MTCL1: variants seen among roughly 807,000 people sequenced by gnomAD.
The protein encoded by MTCL1 is microtubule crosslinking factor 1.
MTCL1 carries 79 observed loss-of-function variants against 141.4 expected under a neutral mutation model. The ratio of observed to expected loss-of-function variants is 0.56; its 90% confidence interval spans 0.47 to 0.67. The LOEUF (loss-of-function observed/expected upper bound fraction) is 0.67, where lower values mean the gene tolerates loss of function less well. Among genes scored for constraint, MTCL1 ranks in the 30% least tolerant of loss-of-function variants. The pLI is 0.00. For missense variants in MTCL1, 2,177 were observed against 2,113.9 expected (o/e 1.03, Z -0.59); for synonymous variants, 914 against 875.8 (o/e 1.04, Z -0.77).
rs2096057235 is a variant in MTCL1, at chr18:8,705,926, G to A, written c.266G>A (p.Gly89Glu). 5 of 1,087,094 alleles carry A rather than the reference G, an allele frequency of 4.6e-6. No homozygotes were observed. The highest frequency in any genetic ancestry group is 1.7e-5 in the African/African-American group (1 of 59,040). The allele number at this position is 1,087,094 out of a possible 1,614,324, so 67.3% of individuals were successfully genotyped here. A position where few individuals can be genotyped will look rare whatever the true frequency, so the allele number is the denominator to read the frequency against. ...GCGGGCAAAGCGCCGCCCTCGCCGG[G>A]GTCCCTGGCCGCGCCCGGCCGCCTC... Residue 89 changes from glycine to glutamate, a missense_variant, in exon 1 of 14, where the codon GGG (glycine) becomes GAG (glutamate). Gly to Glu is a moderately conservative substitution (Grantham distance 98). Coordinates refer to the MTCL1 transcript ENST00000306329. The surrounding 1 kb of genome is among the most constrained non-coding windows in gnomAD (Gnocchi z 5.2).
rs1013465066 is a variant in MTCL1 at position 8,821,443 on chromosome 18, G to C, written c.3157-24G>C. 4.2e-6 allele frequency: 6 copies of C among 1,439,018 alleles called. No homozygotes were observed. In the Admixed American group the frequency reaches 1.1e-4, roughly 26 times the overall value. 89.1% of individuals were successfully genotyped at this position (1,439,018 alleles called of 1,614,324 possible). A position where few individuals can be genotyped will look rare whatever the true frequency, so the allele number is the denominator to read the frequency against. On this transcript the variant is annotated intron_variant, in intron 13 of 16. Transcript: ENST00000359865. ...TGGACAACCAAAATTAACCGATTCA[G>C]ATGAAGTTATTTCTTCTTTATAGGA...
chr18:8,804,253 ATTTT>A (rs576046249), intron 10 of MTCL1, among the ~76,000 whole-genome samples: 3 of 135,922 alleles, frequency 2.2e-5, no homozygotes, highest in African/African-American at 8.1e-5. Flanking sequence ...TAATTTTTAG[ATTTT>A]TTTTTTTTTT....
Position 8,718,405 on chromosome 18 carries a change from C to G in MTCL1, c.-27-19C>G. On this transcript the variant is annotated intron_variant, in intron 2 of 16. Transcript: ENST00000359865. ...TTGATGTACTTGGCTCATAAATCTTCTCTGTCTGATTTGCATAGGATGAGT... is the reference window on the plus strand; with the variant it reads ...TTGATGTACTTGGCTCATAAATCTTGTCTGTCTGATTTGCATAGGATGAGT... The G allele has an allele frequency of 6.2e-7, 1 of 1,610,924 alleles. No individual in the cohort carries two copies. The highest frequency in any genetic ancestry group is 8.5e-7 in the Non-Finnish European group (1 of 1,177,270).
intron 11 of MTCL1, among the ~76,000 whole-genome samples, chr18:8,811,830 G>T (rs543945195): frequency 6.6e-6 from 1 of 152,150 alleles, no homozygotes; most frequent in Non-Finnish European, 1.5e-5. Flanking sequence ...TATACAATTT[G>T]TTAAAATTGT....
exon 9 of MTCL1, chr18:8,796,387 C>T (rs765807545): frequency 8.1e-5 from 130 of 1,614,160 alleles, no homozygotes; most frequent in Admixed American, 2.2e-4. Flanking sequence ...TCCTCTTCTA[C>T]GTCAAACTCA....
At chr18:8,826,186 G>A in exon 15 of MTCL1, 2 of 1,611,204 alleles carry the variant, frequency 1.2e-6, no homozygotes, top group Non-Finnish European at 1.7e-6. Context: ...GGTCTCCACA[G>A]TGACAGCCAC....
At position 8,736,676 on chromosome 18, in the gene MTCL1, C is replaced by G. The variant is rs528452888; in HGVS notation, c.357+16180C>G. On this transcript the variant is annotated intron_variant, in intron 4 of 16. Coordinates refer to ENST00000359865, the Ensembl canonical transcript of MTCL1. ...TTTTTGAGATGGAGTCTCGCTCTGTCGCCCAGGCTGGAGTGCAGTGGCTGG... is the reference window on the plus strand; with the variant it reads ...TTTTTGAGATGGAGTCTCGCTCTGTGGCCCAGGCTGGAGTGCAGTGGCTGG... Among the ~76,000 whole-genome samples, 974 of 144,508 alleles carry G rather than the reference C, an allele frequency of 6.7e-3. 10 individuals carry two copies. Among genetic ancestry groups the G allele is most frequent in the African/African-American group, 0.024 (937 of 38,682 alleles). The allele number at this position is 144,508 out of a possible 152,430, so 94.8% of individuals were successfully genotyped here.
intron 4 of MTCL1, among the ~76,000 whole-genome samples, chr18:8,744,669 TC>T (rs1272317299): frequency 6.6e-6 from 1 of 152,234 alleles, no homozygotes; most frequent in Non-Finnish European, 1.5e-5. Flanking sequence ...TTTGTAACTG[TC>T]CCATTTAAAG....
chr18:8,796,178 G>A (rs2075911430), intron 8 of MTCL1, 54 bp from the exon 8 acceptor site: 1 of 1,582,698 alleles, frequency 6.3e-7, no homozygotes, highest in South Asian at 1.1e-5. Flanking sequence ...GGTTTGGTTT[G>A]GGTGGCGGAT....
At chr18:8,739,502 CA>C (rs1046584223) in intron 4 of MTCL1, among the ~76,000 whole-genome samples, 1 of 152,140 alleles carries the variant, frequency 6.6e-6, no homozygotes, top group African/African-American at 2.4e-5. Context: ...TTCTTCTTTT[CA>C]TGTTAATAAT....
At chr18:8,787,223 A>C (rs2096559469) in intron 7 of MTCL1, 1 of 152,336 alleles carries the variant, frequency 6.6e-6, no homozygotes, top group South Asian at 2.1e-4. Context: ...ACTGAGGAGC[A>C]ATAAAGCTTC....
Position 8,786,110 on chromosome 18 carries a change from T to TCA in MTCL1, c.1887+20_1887+21insAC. 11 of 1,310,348 alleles carry TCA rather than the reference T, an allele frequency of 8.4e-6. No individual in the cohort carries two copies. Among genetic ancestry groups the TCA allele is most frequent in the South Asian group, 3.9e-5 (3 of 77,210 alleles). The allele number at this position is 1,310,348 out of a possible 1,614,324, so 81.2% of individuals were successfully genotyped here. A position where few individuals can be genotyped will look rare whatever the true frequency, so the allele number is the denominator to read the frequency against. ...CCTGGAGGTCAGCGTGGGCAAGCAA[T>TCA]CCCCCCCCCCCGCCCTCCCCCTCCT... On this transcript the variant is annotated intron_variant, in intron 7 of 16. Transcript: ENST00000359865.
chr18:8,826,046 G>T (rs369341171), exon 15 of MTCL1: 2 of 1,611,604 alleles, frequency 1.2e-6, no homozygotes, highest in Non-Finnish European at 1.7e-6. Flanking sequence ...GAGAGGGCAC[G>T]CCAGTGAAGC....
rs769796610 is a variant in MTCL1 at position 8,813,027 on chromosome 18, G to A, written c.2653G>A (p.Glu885Lys). 27 of 1,614,066 alleles carry A rather than the reference G, an allele frequency of 1.7e-5. No individual in the cohort carries two copies. The East Asian group carries it at 6.0e-4, about 36-fold the overall frequency. Residue 885 changes from glutamate to lysine, a missense_variant, in exon 12 of 17, where the codon GAG becomes AAG. Transcript: ENST00000359865. ...GTTGGGAGAACTAGGCTCCTCCGCTGAGAGCAAGGGGGCCTTGAAGAAGGA... is the reference window on the plus strand; with the variant it reads ...GTTGGGAGAACTAGGCTCCTCCGCTAAGAGCAAGGGGGCCTTGAAGAAGGA...
chr18:8,726,497 GC>G (rs2096214071), intron 4 of MTCL1, among the ~76,000 whole-genome samples: 1 of 96,964 alleles, frequency 1.0e-5, no homozygotes, highest in African/African-American at 3.7e-5. Flanking sequence ...GAGAGAGAGC[GC>G]GCGCGCGCGC....
intron 4 of MTCL1, among the ~76,000 whole-genome samples, chr18:8,757,590 C>A (rs1340106860): frequency 6.6e-6 from 1 of 152,230 alleles, no homozygotes; most frequent in Non-Finnish European, 1.5e-5. Context: ...AGTGAGGAGA[C>A]CCCGGCAGGG....
chr18:8,818,012 C>T (rs1446830821), intron 12 of MTCL1, among the ~76,000 whole-genome samples: 1 of 152,152 alleles, frequency 6.6e-6, no homozygotes, highest in Non-Finnish European at 1.5e-5. Context: ...CTCAGCAGTT[C>T]CTTGTGATTT....
chr18:8,711,040 T>C (rs1302547858), intron 1 of MTCL1, among the ~76,000 whole-genome samples: 1 of 151,774 alleles, frequency 6.6e-6, no homozygotes, highest in Non-Finnish European at 1.5e-5. Flanking sequence ...CCCTCCCCAC[T>C]CCCCCTACTC....
intron 11 of MTCL1, chr18:8,809,701 C>T: frequency 7.5e-7 from 1 of 1,326,162 alleles, no homozygotes; most frequent in Admixed American, 2.5e-5. Context: ...AGGCACCTCG[C>T]ACGGCTGTCA....
Sources: allele counts gnomAD v4.1 joint callset (sites outside exome capture counted in the v4.1 genomes callset), GRCh38; gene constraint gnomAD v4.1.1; non-coding constraint Gnocchi (gnomAD v3.1); transcripts MANE v1.5; gene names NCBI Gene and HGNC (gene_info 2026-07-23, HGNC 2026-07-21).